PIGB: variants seen among roughly 807,000 people sequenced by gnomAD.
PIGB encodes the protein phosphatidylinositol glycan anchor biosynthesis class B, also known as GPI alpha-1,2-mannosyltransferase 3.
Under a neutral mutation model 68.4 loss-of-function variants are expected in PIGB, and 58 were observed. The observed-to-expected ratio is 0.85, with a 90% CI of 0.69 to 1.06. PIGB has a LOEUF of 1.06. Among genes scored for constraint, PIGB ranks in the 50% least tolerant of loss-of-function variants. The pLI is 0.00. For missense variants in PIGB, 634 were observed against 655.8 expected, an observed-to-expected ratio of 0.97 and a Z score of 0.36; for synonymous variants, 219 against 220.5, an observed-to-expected ratio of 0.99 and a Z score of 0.06.
chr15:55,340,131 AAC>A (rs1400909913), intron 7 of PIGB: 6 of 151,860 alleles, frequency 4.0e-5, no homozygotes, highest in African/African-American at 1.5e-4. Flanking sequence ...AAGAAAAAAT[AAC>A]AGTTAAGAAG....
In PIGB at chr15:55,354,802, G is replaced by A. The variant is rs766125793; in HGVS notation, c.1342G>A (p.Val448Ile). ...PCHSTPYYSH[V>I]HCPLPMRFLQ... Reference sequence around the variant, plus strand: ...TGGTAACTTTTCTTTTCATAGCCATGTTCACTGCCCACTTCCCATGAGATT... The same window carrying A: ...TGGTAACTTTTCTTTTCATAGCCATATTCACTGCCCACTTCCCATGAGATT... Residue 448 changes from valine to isoleucine, a missense_variant, in exon 11 of 12, where the codon GTT (valine) becomes ATT (isoleucine). Val to Ile is a conservative substitution (Grantham distance 29). Coordinates refer to ENST00000164305, the MANE Select transcript of PIGB (RefSeq NM_004855.5). 33 of 1,600,936 alleles carry A rather than the reference G, an allele frequency of 2.1e-5. No individual in the cohort carries two copies. In the Middle Eastern group the frequency reaches 5.0e-4, roughly 24 times the overall value.
intron 10 of PIGB, among the ~76,000 whole-genome samples, chr15:55,352,928 A>G (rs2055955797): frequency 6.6e-6 from 1 of 152,222 alleles, no homozygotes; most frequent in Admixed American, 6.5e-5. Flanking sequence ...TAATGCCAGT[A>G]ATTAATATAC....
At chr15:55,349,372 TCTCA>T (rs2055875079) in intron 9 of PIGB, 1 of 151,814 alleles carries the variant, frequency 6.6e-6, no homozygotes, top group Non-Finnish European at 1.5e-5. Flanking sequence ...TTAAATGGAG[TCTCA>T]CTATGTTGCC....
chr15:55,341,708 AT>A (rs574721721), intron 8 of PIGB, 29 bp from the exon 9 acceptor site: 9 of 957,314 alleles, frequency 9.4e-6, no homozygotes, highest in Middle Eastern at 3.3e-4. Context: ...GATAATTAAT[AT>A]TTTTTAATAA....
intron 9 of PIGB, chr15:55,343,336 A>G (rs1003889455): frequency 2.6e-5 from 4 of 152,076 alleles, no homozygotes; most frequent in Non-Finnish European, 2.9e-5. Flanking sequence ...ATAAATCACT[A>G]TTCAGATGTT....
intron 4 of PIGB, among the ~76,000 whole-genome samples, chr15:55,329,447 AT>A (rs2055364831): frequency 6.6e-6 from 1 of 152,184 alleles, no homozygotes; most frequent in African/African-American, 2.4e-5. Context: ...TGTTTCATTA[AT>A]GGAAAGTGGG....
intron 3 of PIGB, among the ~76,000 whole-genome samples, chr15:55,326,250 A>T (rs960128390): frequency 3.3e-5 from 5 of 151,576 alleles, no homozygotes; most frequent in African/African-American, 9.7e-5. Flanking sequence ...TTATTATCTT[A>T]TTTTATATCT....
intron 7 of PIGB, chr15:55,340,397 A>T (rs1303411244): frequency 1.1e-5 from 3 of 263,074 alleles, no homozygotes; most frequent in African/African-American, 2.3e-5. Flanking sequence ...CGGAGCTTGC[A>T]GTGAGCCGAG....
rs1555405749 is a variant in PIGB, at chr15:55,351,873, C to CAAAG, written c.1337+964_1337+965insGAAA. The CAAAG allele has an allele frequency of 4.5e-4, 25 of 55,048 alleles. No homozygotes were observed. The East Asian group carries it at 0.016, about 36-fold the overall frequency. The allele number at this position is 55,048 out of a possible 1,614,324, so 3.4% of individuals were successfully genotyped here. ...GGGCAACAGAGCAAGACTCTGTCTC[C>CAAAG]AAAAAAAAAAAAAAAAAAAACATGG... On this transcript the variant is annotated intron_variant, in intron 10 of 11. Transcript: ENST00000164305.
Position 55,336,725 on chromosome 15 carries a change from C to T in PIGB, c.795-2542C>T, listed in dbSNP as rs148335995. On this transcript the variant is annotated intron_variant, in intron 6 of 11. Transcript: ENST00000164305. ...TCTAGTGGTTGGGCACGATGGCTCA[C>T]GCCTATAATCCCAGCACTTTGGGAG... Among the ~76,000 whole-genome samples, 222 of 152,342 alleles carry T rather than the reference C, an allele frequency of 1.5e-3. 3 individuals carry two copies. Among genetic ancestry groups the T allele is most frequent in the African/African-American group, 4.6e-3 (192 of 41,582 alleles).
chr15:55,351,673 C>A (rs1282580813), intron 10 of PIGB: 2 of 151,170 alleles, frequency 1.3e-5, no homozygotes, highest in Admixed American at 1.3e-4. Flanking sequence ...AGATCGAGAC[C>A]ATCCTGGCTA....
chr15:55,350,986 TG>T (rs1395572503), intron 10 of PIGB, 74 bp downstream of exon 10: 1 of 735,298 alleles, frequency 1.4e-6, no homozygotes, highest in Non-Finnish European at 2.2e-6. Context: ...TTCAGATTCC[TG>T]GATTTGAATT....
chr15:55,322,003 C>T (rs1211836217), intron 3 of PIGB, among the ~76,000 whole-genome samples: 1 of 151,326 alleles, frequency 6.6e-6, no homozygotes, highest in Admixed American at 6.6e-5. Flanking sequence ...AGAGAAACCG[C>T]GTCTCTACTA....
At chr15:55,330,229 C>T (rs548259562) in intron 5 of PIGB, among the ~76,000 whole-genome samples, 1 of 152,276 alleles carries the variant, frequency 6.6e-6, no homozygotes, top group Non-Finnish European at 1.5e-5. Flanking sequence ...GGGACAGGCA[C>T]AGCCAGCCTT....
chr15:55,350,911 A>C lies in PIGB; in HGVS notation c.1336A>C (p.Ser446Arg). ...GCCTTGCCACTCTACTCCTTATTAC[A>C]GGTAATAAAAGATGTTCCACTATAT... is the stretch of plus-strand genomic sequence containing the variant. ...MMPCHSTPYY[S>R]HVHCPLPMRF... Residue 446 changes from serine to arginine, a missense_variant and splice_region_variant, in exon 10 of 12, where the codon AGC becomes CGC. Transcript: ENST00000164305. 6.8e-7 allele frequency: 1 copy of C among 1,463,240 alleles called. No homozygotes were observed. The highest frequency in any genetic ancestry group is 9.5e-7 in the Non-Finnish European group (1 of 1,048,666). 90.6% of individuals were successfully genotyped at this position (1,463,240 alleles called of 1,614,324 possible).
At chr15:55,339,221 T>G (rs2055607410) in intron 6 of PIGB, 46 bp from the exon 7 acceptor site, 1 of 1,424,320 alleles carries the variant, frequency 7.0e-7, no homozygotes, top group East Asian at 2.5e-5. Context: ...TAGTGGATTT[T>G]CAGCAAGCTC....
At chr15:55,329,953 A>C in intron 5 of PIGB, 99 bp downstream of exon 5, 1 of 774,424 alleles carries the variant, frequency 1.3e-6, no homozygotes, top group East Asian at 2.7e-5. Flanking sequence ...CCTAATTTTC[A>C]TGAGTCATGA....
At position 55,333,860 on chromosome 15, in the gene PIGB, C is replaced by G. The variant is rs1595782671; in HGVS notation, c.654-7C>G. 1 of 1,562,556 alleles carries G rather than the reference C, an allele frequency of 6.4e-7. No individual in the cohort carries two copies. On this transcript the variant is annotated splice_region_variant and splice_polypyrimidine_tract_variant and intron_variant, in intron 5 of 11. Coordinates refer to ENST00000164305, the MANE Select transcript of PIGB (RefSeq NM_004855.5). Reference sequence around the variant, plus strand: ...CACTTGTCTTATCACACATTTTCCTCTTATAGTGTCAAATACTCATCCCTG... The same window carrying G: ...CACTTGTCTTATCACACATTTTCCTGTTATAGTGTCAAATACTCATCCCTG...
chr15:55,320,335 G>C lies in PIGB; in HGVS notation c.224G>C (p.Cys75Ser). Reference protein sequence around the residue: ...LFTIALRILNCFLVQTSFVPD... With the variant: ...LFTIALRILNSFLVQTSFVPD... Reference sequence around the variant, plus strand: ...ACCATAGCTTTACGAATATTAAACTGCTTTTTAGTGCAGACAAGTTTTGTT... The same window carrying C: ...ACCATAGCTTTACGAATATTAAACTCCTTTTTAGTGCAGACAAGTTTTGTT... The change falls in exon 2 of 12, where the codon TGC becomes TCC. Residue 75 changes from cysteine to serine, a missense_variant. Physicochemically the swap from Cys to Ser is moderately radical, Grantham distance 112 (BLOSUM62 -1). Coordinates refer to ENST00000164305, the MANE Select transcript of PIGB (RefSeq NM_004855.5). 1 of 1,612,788 alleles carries C rather than the reference G, an allele frequency of 6.2e-7. No individual in the cohort carries two copies. The highest frequency in any genetic ancestry group is 8.5e-7 in the Non-Finnish European group (1 of 1,178,906).
Sources: allele counts gnomAD v4.1 joint callset (sites outside exome capture counted in the v4.1 genomes callset), GRCh38; gene constraint gnomAD v4.1.1; transcripts MANE v1.5; gene names NCBI Gene and HGNC (gene_info 2026-07-23, HGNC 2026-07-21).